The following RICTOR variants were observed in gnomAD, a reference collection of about 807,000 sequenced individuals.
RICTOR encodes RPTOR independent companion of MTOR complex 2, also known as rapamycin-insensitive companion of mTOR.
RICTOR carries 49 observed loss-of-function variants against 214.9 expected under a neutral mutation model. The ratio of observed to expected loss-of-function variants is 0.23; its 90% CI spans 0.18 to 0.29. The LOEUF is 0.29. RICTOR is among the 10% of genes least tolerant of loss of function. The pLI is 1.00. For missense variants in RICTOR, 1,625 were observed against 2,047.0 expected (o/e 0.79, Z 3.98); for synonymous variants, 717 against 711.3 (o/e 1.01, Z -0.13).
At position 38,940,972 on chromosome 5, in the gene RICTOR, G is replaced by A. The variant is rs1579842045; in HGVS notation, c.*1332C>T. 3 of 232,398 alleles carry A rather than the reference G, an allele frequency of 1.3e-5. No individual in the cohort carries two copies. Among genetic ancestry groups the A allele is most frequent in the Admixed American group, 1.1e-4 (2 of 17,736 alleles). 14.4% of individuals were successfully genotyped at this position (232,398 alleles called of 1,614,324 possible). A position where few individuals can be genotyped will look rare whatever the true frequency, so the allele number is the denominator to read the frequency against. The stretch of plus-strand genomic sequence containing the variant: ...AAAAAGAATCCTAATCAGTCCAGCT[G>A]GATTTTCTATTTCTATTTATATATA... On this transcript the variant is annotated 3_prime_UTR_variant, in exon 38 of 38. Transcript: ENST00000357387.
rs1759550404 is a variant in RICTOR, at chr5:39,074,234, G to A, written c.50-76C>T. The A allele has an allele frequency of 1.5e-5, 24 of 1,576,752 alleles. No homozygotes were observed. In the South Asian group the frequency reaches 2.0e-4, roughly 13 times the overall value. On this transcript the variant is annotated intron_variant, in intron 1 of 37. Transcript: ENST00000357387. ...TGCGGCTGCCCTGGCTCCGGCCAGC[G>A]CCCCGGCTCGCTCCCCAACCCAGGG...
At chr5:38,984,970 T>A (rs1352963571) in intron 7 of RICTOR, among the ~76,000 whole-genome samples, 1 of 151,722 alleles carries the variant, frequency 6.6e-6, no homozygotes, top group Non-Finnish European at 1.5e-5. Flanking sequence ...TATGCGTACC[T>A]TTTTTTTGTT....
rs1273833462 is a variant in RICTOR, at chr5:38,990,731, T to TATATCAG, written c.583+217_583+218insCTGATAT. 6.5e-5 allele frequency among the ~76,000 whole-genome samples: 8 copies of TATATCAG among 123,022 alleles called. 1 individual carries two copies. Among genetic ancestry groups the TATATCAG allele is most frequent in the African/African-American group, 2.4e-4 (8 of 33,466 alleles). The allele number at this position is 123,022 out of a possible 152,430, so 80.7% of individuals were successfully genotyped here. On this transcript the variant is annotated intron_variant, in intron 7 of 37. Coordinates refer to ENST00000357387, the MANE Select transcript of RICTOR (RefSeq NM_152756.5). ...TATGATATATATGATATATATCATA[T>TATATCAG]ATATGATATATATGAGATATATGAT... is the stretch of plus-strand genomic sequence containing the variant.
chr5:38,954,659 C>T, intron 27 of RICTOR, 115 bp downstream of exon 27: 1 of 645,648 alleles, frequency 1.5e-6, no homozygotes, highest in Non-Finnish European at 2.8e-6. Flanking sequence ...AGCAATTACA[C>T]CACTGATATT....
rs116711501 is a variant in RICTOR, at chr5:38,968,246, T to C, written c.973-216A>G. Reference sequence around the variant, plus strand: ...AAATTCCTATCGCCTAGTGAAACTGTAGCAGCAGTCATATTGTCTGTCACA... The same window carrying C: ...AAATTCCTATCGCCTAGTGAAACTGCAGCAGCAGTCATATTGTCTGTCACA... On this transcript the variant is annotated intron_variant, in intron 11 of 37. Transcript: ENST00000357387. Among the ~76,000 whole-genome samples, 911 of 152,248 alleles carry C rather than the reference T, an allele frequency of 6.0e-3. 14 individuals are homozygous for C. The highest frequency in any genetic ancestry group is 0.019 in the African/African-American group (800 of 41,540).
chr5:38,971,113 T>C (rs1358645996), intron 11 of RICTOR: 1 of 152,334 alleles, frequency 6.6e-6, no homozygotes, highest in African/African-American at 2.4e-5. Context: ...GTTTAAGTGA[T>C]TCTCCTGCCT....
At chr5:38,942,452 ATT>A (rs200385182) in intron 37 of RICTOR, 74 bp from the exon 38 acceptor site, 2,231 of 557,104 alleles carry the variant, frequency 4.0e-3, no homozygotes, top group East Asian at 5.2e-3. Context: ...TAAATATCTA[ATT>A]TTTTTTTTTT....
intron 7 of RICTOR, among the ~76,000 whole-genome samples, chr5:38,988,138 AAAGT>A (rs1325104925): frequency 1.3e-5 from 2 of 152,086 alleles, no homozygotes; most frequent in Non-Finnish European, 2.9e-5. Flanking sequence ...GGTCAATTTT[AAAGT>A]AAGTGTGATG....
At chr5:39,053,547 A>C (rs1299984810) in intron 2 of RICTOR, among the ~76,000 whole-genome samples, 1 of 152,210 alleles carries the variant, frequency 6.6e-6, no homozygotes, top group Non-Finnish European at 1.5e-5. Context: ...AGTGCCTAGC[A>C]CAAAAATAAA....
At chr5:39,028,215 C>T (rs1201971442) in intron 2 of RICTOR, among the ~76,000 whole-genome samples, 3 of 128,502 alleles carry the variant, frequency 2.3e-5, no homozygotes, top group Admixed American at 8.8e-5. Context: ...CGGAGTCTCG[C>T]TCTGTCGCCC....
chr5:39,000,644 A>T (rs921127475), intron 5 of RICTOR, among the ~76,000 whole-genome samples: 1 of 151,994 alleles, frequency 6.6e-6, no homozygotes, highest in African/African-American at 2.4e-5. Flanking sequence ...TCATGTAGTA[A>T]GGTAAGAAAA....
Position 38,947,281 on chromosome 5 carries a change from T to C in RICTOR, c.4297A>G (p.Ile1433Val). 3.1e-6 allele frequency: 5 copies of C among 1,610,806 alleles called. No individual in the cohort carries two copies. Among genetic ancestry groups the C allele is most frequent in the Non-Finnish European group, 4.2e-6 (5 of 1,177,938 alleles). Residue 1433 changes from isoleucine (I) to valine (V), a missense_variant, in exon 32 of 38, where the codon ATA (isoleucine) becomes GTA (valine). Physicochemically the swap from Ile to Val is conservative, Grantham distance 29. This residue lies in a region of RICTOR where 1,214 missense variants were observed against 1,470.5 expected (regional missense o/e 0.83). Transcript: ENST00000357387. The stretch of plus-strand genomic sequence containing the variant: ...GATAATACCTGGAATATATCATTTA[T>C]ATCCACCGGGAGAGCAAGACCAATG... ...DYIGLALPVD[I>V]NDIFQVKDIP...
chr5:38,996,222 T>C (rs1340917644), intron 6 of RICTOR, among the ~76,000 whole-genome samples: 1 of 152,250 alleles, frequency 6.6e-6, no homozygotes, highest in East Asian at 1.9e-4. Flanking sequence ...ATATTTACTC[T>C]CAGTTCACTC....
In RICTOR at chr5:38,942,253, C is replaced by A; in HGVS notation, c.*51G>T. 8.8e-7 allele frequency: 1 copy of A among 1,135,012 alleles called. No individual in the cohort carries two copies. The highest frequency in any genetic ancestry group is 1.3e-6 in the Non-Finnish European group (1 of 782,178). 70.3% of individuals were successfully genotyped at this position (1,135,012 alleles called of 1,614,324 possible). Reference sequence around the variant, plus strand: ...TATTTTCTGAGGCTTTTAGGAAATCCACAAATATGAATATATATAGTATGT... The same window carrying A: ...TATTTTCTGAGGCTTTTAGGAAATCAACAAATATGAATATATATAGTATGT... On this transcript the variant is annotated 3_prime_UTR_variant, in exon 38 of 38. Transcript: ENST00000357387.
At chr5:38,969,145 A>G (rs562472639) in intron 11 of RICTOR, among the ~76,000 whole-genome samples, 2 of 151,406 alleles carry the variant, frequency 1.3e-5, no homozygotes, top group South Asian at 4.2e-4. Flanking sequence ...TAATTTTTGT[A>G]TTTTCAGTAG....
At chr5:38,962,174 AAT>A (rs1554062601) in intron 19 of RICTOR, 139 bp downstream of exon 19, 1 of 367,246 alleles carries the variant, frequency 2.7e-6, no homozygotes, top group Non-Finnish European at 5.0e-6. Context: ...CTATATTAAA[AAT>A]ATATATGAGT....
chr5:38,957,580 T>C (rs1299230211), intron 25 of RICTOR, 72 bp downstream of exon 25: 1 of 822,336 alleles, frequency 1.2e-6, no homozygotes, highest in Non-Finnish European at 2.0e-6. Flanking sequence ...AAAAAAACCA[T>C]CCTCTAAATT....
chr5:39,073,625 G>A (rs975593996), intron 2 of RICTOR, among the ~76,000 whole-genome samples: 3 of 152,186 alleles, frequency 2.0e-5, no homozygotes, highest in African/African-American at 4.8e-5. Context: ...GGTGGGCAAA[G>A]GGGAAAGCAG....
chr5:38,946,147 A>C (rs1337401738), intron 33 of RICTOR, among the ~76,000 whole-genome samples: 1 of 152,146 alleles, frequency 6.6e-6, no homozygotes, highest in Non-Finnish European at 1.5e-5. Flanking sequence ...CCTTACTCTA[A>C]ACAAACAGCT....
Sources: gnomAD v4.1 joint callset for allele counts (sites outside exome capture counted in the v4.1 genomes callset) on GRCh38, gnomAD v4.1.1 for gene constraint, gnomAD v4.1.1 regional missense constraint, MANE v1.5 for transcripts, NCBI Gene and HGNC (gene_info 2026-07-23, HGNC 2026-07-21) for gene names.